ZNF736: variants seen among roughly 807,000 people sequenced by gnomAD.
ZNF736 encodes the protein zinc finger protein 736.
In ZNF736, 6 loss-of-function variants were observed where a neutral mutation model predicts 11.7. The ratio of observed to expected loss-of-function variants is 0.51; its 90% CI spans 0.28 to 1.01. ZNF736 has a LOEUF of 1.01. Among genes scored for constraint, ZNF736 ranks in the 50% least tolerant of loss-of-function variants. The probability of loss-of-function intolerance (pLI) is 0.09; values close to 1 mark genes in which losing one functional copy is unlikely to be tolerated. For synonymous variants in ZNF736, 139 were observed against 164.7 expected, an observed-to-expected ratio of 0.84 and a Z score of 1.19; for missense variants, 444 against 496.0, an observed-to-expected ratio of 0.90 and a Z score of 1.00.
chr7:64,348,049 A>G, intron 3 of ZNF736, 41 bp from the exon 4 acceptor site: 1 of 1,394,598 alleles, frequency 7.2e-7, no homozygotes, highest in Non-Finnish European at 9.5e-7. Context: ...AAGTATATTC[A>G]CCTGAGTCTA....
intron 3 of ZNF736, among the ~76,000 whole-genome samples, chr7:64,341,267 T>C (rs1182209555): frequency 6.6e-6 from 1 of 152,030 alleles, no homozygotes; most frequent in East Asian, 1.9e-4. Flanking sequence ...TTCTTAAGGA[T>C]TGAGTTTTGG....
intron 3 of ZNF736, among the ~76,000 whole-genome samples, chr7:64,345,811 T>C (rs1165634732): frequency 6.6e-6 from 1 of 152,060 alleles, no homozygotes; most frequent in Non-Finnish European, 1.5e-5. Context: ...TGTTACTGAT[T>C]TCTAGTTTCA....
At chr7:64,319,480 A>G (rs1166336088) in intron 1 of ZNF736, among the ~76,000 whole-genome samples, 2 of 105,374 alleles carry the variant, frequency 1.9e-5, no homozygotes, top group African/African-American at 3.5e-5. Flanking sequence ...AATAGAAAAC[A>G]TTTCTTCCCT....
At chr7:64,319,619 C>T (rs1788976051) in intron 1 of ZNF736, among the ~76,000 whole-genome samples, 1 of 149,424 alleles carries the variant, frequency 6.7e-6, no homozygotes, top group South Asian at 2.1e-4. Context: ...CCTCAGCCTC[C>T]CAAGTAGCTG....
At chr7:64,322,300 C>A (rs1397447408) in intron 1 of ZNF736, among the ~76,000 whole-genome samples, 1 of 152,106 alleles carries the variant, frequency 6.6e-6, no homozygotes, top group Non-Finnish European at 1.5e-5. Flanking sequence ...TATGATAGAA[C>A]ATCAATTTTT....
chr7:64,336,855 C>G, intron 2 of ZNF736, 32 bp from the exon 3 acceptor site: 1 of 1,515,142 alleles, frequency 6.6e-7, no homozygotes, highest in Non-Finnish European at 9.0e-7. Flanking sequence ...ATTATCCTAG[C>G]AAGAGTCATG....
At chr7:64,333,519 T>C (rs141747301) in intron 1 of ZNF736, among the ~76,000 whole-genome samples, 2 of 152,326 alleles carry the variant, frequency 1.3e-5, no homozygotes, top group East Asian at 1.9e-4. Context: ...ATTAAATCTA[T>C]GCAAAACTGC....
intron 3 of ZNF736, among the ~76,000 whole-genome samples, chr7:64,342,611 A>G (rs1421443914): frequency 2.6e-5 from 4 of 152,054 alleles, no homozygotes; most frequent in African/African-American, 9.7e-5. Flanking sequence ...CTTCTTTACT[A>G]TGAAGACTAC....
chr7:64,338,164 A>G (rs887277447), intron 3 of ZNF736, among the ~76,000 whole-genome samples: 3 of 152,242 alleles, frequency 2.0e-5, no homozygotes, highest in Non-Finnish European at 4.4e-5. Flanking sequence ...ATGTATATAT[A>G]TAAACACATT....
At chr7:64,337,005 G>C in intron 3 of ZNF736, 23 bp downstream of exon 3, 1 of 1,577,302 alleles carries the variant, frequency 6.3e-7, no homozygotes, top group Non-Finnish European at 8.6e-7. Context: ...GAATGAAGCA[G>C]ATGACACAAA....
chr7:64,328,151 T>TA, intron 1 of ZNF736, among the ~76,000 whole-genome samples: 1 of 152,314 alleles, frequency 6.6e-6, no homozygotes, highest in Non-Finnish European at 1.5e-5. Flanking sequence ...TATTGCTCAT[T>TA]AATGTCCTAT....
At chr7:64,328,357 T>G (rs1789110742) in intron 1 of ZNF736, among the ~76,000 whole-genome samples, 1 of 152,046 alleles carries the variant, frequency 6.6e-6, no homozygotes, top group Non-Finnish European at 1.5e-5. Context: ...AGATTTCCAC[T>G]GATGAGTCCA....
At chr7:64,319,213 C>T (rs1329152654) in intron 1 of ZNF736, among the ~76,000 whole-genome samples, 2 of 150,610 alleles carry the variant, frequency 1.3e-5, no homozygotes, top group East Asian at 3.9e-4. Flanking sequence ...AACTAAAGAC[C>T]TTATATGGGA....
At chr7:64,329,600 C>A (rs1584268661) in intron 1 of ZNF736, among the ~76,000 whole-genome samples, 1 of 152,138 alleles carries the variant, frequency 6.6e-6, no homozygotes, top group Non-Finnish European at 1.5e-5. Context: ...TTACATTCTG[C>A]CAAATAAATG....
intron 1 of ZNF736, 140 bp from the exon 2 acceptor site, chr7:64,336,118 AT>A: frequency 1.1e-6 from 1 of 945,736 alleles, no homozygotes; most frequent in Non-Finnish European, 1.6e-6. Flanking sequence ...ACTAGAGAAT[AT>A]TTCTGTGCTA....
intron 1 of ZNF736, 115 bp downstream of exon 1, chr7:64,314,268 C>T (rs1788880189): frequency 2.3e-6 from 3 of 1,332,490 alleles, no homozygotes; most frequent in Non-Finnish European, 2.0e-6. Flanking sequence ...TCTGCATCCC[C>T]GAGTCCCCGC....
At chr7:64,323,453 T>C (rs1789029731) in intron 1 of ZNF736, among the ~76,000 whole-genome samples, 1 of 149,198 alleles carries the variant, frequency 6.7e-6, no homozygotes, top group African/African-American at 2.5e-5. Context: ...CAAAAAAAAA[T>C]ACTATTCACA....
Position 64,348,184 on chromosome 7 carries a change from C to G in ZNF736, c.321C>G (p.Asp107Glu). ...KVILRKYGSC[D>E]LNNLHLKKDY... ...TTCTGAGAAAATATGGAAGCTGTGA[C>G]CTTAATAATTTACATTTAAAGAAAG... Residue 107 changes from aspartate to glutamate, a missense_variant, in exon 4 of 4, where the codon GAC becomes GAG. Coordinates refer to ENST00000423484, the MANE Select transcript of ZNF736 (RefSeq NM_001170905.3). The G allele has an allele frequency of 6.4e-7, 1 of 1,551,234 alleles. No homozygotes were observed. Among genetic ancestry groups the G allele is most frequent in the Non-Finnish European group, 8.7e-7 (1 of 1,146,816 alleles).
rs755108880 is a variant in ZNF736 at position 64,336,351 on chromosome 7, G to A, written c.96G>A (p.Val32=). ...CTCAGCAGCGTTTGTATAGGGATGT[G>A]ATGTTAGAGAACTATGGAAACCTGG... ...DSAQQRLYRD[V]MLENYGNLVS... The change falls in exon 2 of 4, where the codon GTG becomes GTA. Residue 32 remains valine, a synonymous_variant. Transcript: ENST00000423484. 2 of 1,613,768 alleles carry A rather than the reference G, an allele frequency of 1.2e-6. No individual in the cohort carries two copies. The highest frequency in any genetic ancestry group is 2.2e-5 in the South Asian group (2 of 91,038).
Sources: gnomAD v4.1 joint callset for allele counts (sites outside exome capture counted in the v4.1 genomes callset) on GRCh38, gnomAD v4.1.1 for gene constraint, MANE v1.5 for transcripts, NCBI Gene and HGNC (gene_info 2026-07-23, HGNC 2026-07-21) for gene names.